Variants in PTPRQ observed in about 807,000 individuals in gnomAD.
PTPRQ encodes phosphatidylinositol phosphatase PTPRQ.
A neutral mutation model predicts 246.0 loss-of-function variants in PTPRQ; 199 were observed. The observed-to-expected ratio is 0.81, with a 90% CI of 0.72 to 0.91. The LOEUF (loss-of-function observed/expected upper bound fraction) is 0.91, where lower values mean the gene tolerates loss of function less well. Ranked by LOEUF, PTPRQ falls within the 40% of genes least tolerant of loss-of-function variation. The pLI, the probability that PTPRQ is intolerant of heterozygous loss-of-function variation, is 0.00. For synonymous variants in PTPRQ, 869 were observed against 853.2 expected (o/e 1.02, Z -0.32); for missense variants, 2,624 against 2,528.4 (o/e 1.04, Z -0.81).
intron 27 of PTPRQ, among the ~76,000 whole-genome samples, chr12:80,609,458 C>A (rs1016034574): frequency 2.0e-5 from 3 of 150,398 alleles, no homozygotes; most frequent in Admixed American, 6.7e-5. Context: ...ATTAAGATAC[C>A]TGAAAGTAGT....
chr12:80,530,600 T>G (rs567344813), intron 17 of PTPRQ, among the ~76,000 whole-genome samples: 1 of 152,300 alleles, frequency 6.6e-6, no homozygotes. Flanking sequence ...AGTTTATTTT[T>G]GTGATTATTT....
intron 39 of PTPRQ, among the ~76,000 whole-genome samples, chr12:80,662,152 C>T (rs1900653528): frequency 6.6e-6 from 1 of 151,884 alleles, no homozygotes; most frequent in African/African-American, 2.4e-5. Context: ...CACCATTCAA[C>T]ATTCACAATA....
chr12:80,595,618 G>T (rs887221051), intron 26 of PTPRQ, among the ~76,000 whole-genome samples: 2 of 151,706 alleles, frequency 1.3e-5, no homozygotes, highest in East Asian at 3.9e-4. Flanking sequence ...ACAATGTGCA[G>T]GTTAGTTACA....
At chr12:80,453,140 T>C (rs1892831928) in intron 3 of PTPRQ, among the ~76,000 whole-genome samples, 1 of 152,196 alleles carries the variant, frequency 6.6e-6, no homozygotes, top group Non-Finnish European at 1.5e-5. Context: ...TGATACCCTT[T>C]CTTCCAGTTG....
chr12:80,676,102 T>A (rs867119831), intron 43 of PTPRQ, among the ~76,000 whole-genome samples: 4 of 152,160 alleles, frequency 2.6e-5, no homozygotes, highest in Non-Finnish European at 5.9e-5. Flanking sequence ...TACTGTTTTT[T>A]CCCTGTGATG....
intron 27 of PTPRQ, 117 bp from the exon 28 acceptor site, chr12:80,610,322 A>G (rs1592714430): frequency 1.2e-6 from 1 of 801,364 alleles, no homozygotes; most frequent in Non-Finnish European, 1.7e-6. Flanking sequence ...TGATTGTAAA[A>G]TAAATAAATA....
chr12:80,551,719 C>A (rs985248704), intron 25 of PTPRQ, among the ~76,000 whole-genome samples: 2 of 152,074 alleles, frequency 1.3e-5, no homozygotes, highest in Admixed American at 1.3e-4. Context: ...AATTTGGCTT[C>A]TCTCTAGCTT....
chr12:80,541,776 A>C lies in PTPRQ; in HGVS notation c.3376A>C (p.Thr1126Pro). Residue 1126 changes from threonine (T) to proline (P), a missense_variant, in exon 21 of 45, where the codon ACT (threonine) becomes CCT (proline). By Grantham distance (38) the Thr-to-Pro change is conservative. Coordinates refer to ENST00000644991, the MANE Select transcript of PTPRQ (RefSeq NM_001145026.2). ...EKYTDYILKI[T>P]PSTEKGFSDT... ...ATACACTGATTATATATTAAAAATT[A>C]CTCCATCAACAGAAAAGGGATTCTC... 6.4e-7 allele frequency: 1 copy of C among 1,550,930 alleles called. No homozygotes were observed. The highest frequency in any genetic ancestry group is 8.7e-7 in the Non-Finnish European group (1 of 1,146,552).
intron 23 of PTPRQ, among the ~76,000 whole-genome samples, chr12:80,545,291 C>T (rs539203753): frequency 6.6e-6 from 1 of 152,128 alleles, no homozygotes; most frequent in African/African-American, 2.4e-5. Context: ...GAAAGAATGA[C>T]TGAAATAAAG....
chr12:80,445,578 G>T lies in PTPRQ; in HGVS notation c.251G>T (p.Gly84Val), dbSNP rs1172791376. ...TGGAATACACCACCTAATCCAAATG[G>T]AAGGATTATATCTTACATTGTCAAA... is the stretch of plus-strand genomic sequence containing the variant. ...LSWNTPPNPN[G>V]RIISYIVKYK... The change falls in exon 3 of 45, where the codon GGA becomes GTA. Residue 84 changes from glycine to valine, a missense_variant. Physicochemically the swap from Gly to Val is moderately radical, Grantham distance 109 (BLOSUM62 -3). Transcript: ENST00000644991. 1.3e-6 allele frequency: 2 copies of T among 1,548,086 alleles called. No homozygotes were observed. The highest frequency in any genetic ancestry group is 1.7e-6 in the Non-Finnish European group (2 of 1,144,266).
intron 25 of PTPRQ, among the ~76,000 whole-genome samples, chr12:80,560,722 G>A (rs1308951691): frequency 1.3e-5 from 2 of 152,200 alleles, no homozygotes; most frequent in African/African-American, 4.8e-5. Context: ...TTCATTTGTT[G>A]ACAGCCACAG....
chr12:80,558,129 T>TTTCTTTCTTTCTTTC (rs1310787725), intron 25 of PTPRQ, among the ~76,000 whole-genome samples: 15 of 116,160 alleles, frequency 1.3e-4, no homozygotes, highest in African/African-American at 5.8e-4. Context: ...CTTTCTTTTC[T>TTTCTTTCTTTCTTTC]TTTCTTTTCT....
In PTPRQ at chr12:80,472,100, T is replaced by C. The variant is rs1453634957; in HGVS notation, c.1040-5T>C. 26 of 1,550,882 alleles carry C rather than the reference T, an allele frequency of 1.7e-5. No individual in the cohort carries two copies. Among genetic ancestry groups the C allele is most frequent in the Non-Finnish European group, 2.2e-5 (25 of 1,146,784 alleles). The stretch of plus-strand genomic sequence containing the variant: ...TAATCCATAGCTATCTTCCACTTTT[T>C]GCAGGTCGCATTTTGGATAACAGCA... On this transcript the variant is annotated splice_polypyrimidine_tract_variant and splice_region_variant and intron_variant, in intron 7 of 44. Coordinates refer to ENST00000644991, the MANE Select transcript of PTPRQ (RefSeq NM_001145026.2).
In PTPRQ at chr12:80,496,246, C is replaced by T; in HGVS notation, c.1991-4C>T. The T allele has an allele frequency of 6.5e-7, 1 of 1,549,028 alleles. No individual in the cohort carries two copies. The highest frequency in any genetic ancestry group is 8.7e-7 in the Non-Finnish European group (1 of 1,145,858). On this transcript the variant is annotated splice_region_variant and splice_polypyrimidine_tract_variant and intron_variant, in intron 13 of 44. Coordinates refer to ENST00000644991, the MANE Select transcript of PTPRQ (RefSeq NM_001145026.2). ...GTACTACAAATGTTCTTTTCTTCCC[C>T]TAGAACCGGAATCATCACCTCAAGA...
In PTPRQ at chr12:80,611,386, T is replaced by G. The variant is rs1210663956; in HGVS notation, c.4918+761T>G. Among the ~76,000 whole-genome samples the G allele has an allele frequency of 1.6e-4, 24 of 150,362 alleles. No homozygotes were observed. In the Admixed American group the frequency reaches 1.6e-3, roughly 10 times the overall value. ...AGGTAAGTATAGGAAGTAAAATTTT[T>G]TTACAGCTAGTTTTTTTCGTTACAT... On this transcript the variant is annotated intron_variant, in intron 28 of 44. Transcript: ENST00000644991.
At chr12:80,477,592 G>C (rs187669785) in intron 8 of PTPRQ, among the ~76,000 whole-genome samples, 7 of 152,196 alleles carry the variant, frequency 4.6e-5, no homozygotes, top group Non-Finnish European at 8.8e-5. Context: ...CAGAAGACGG[G>C]TGATTTCTGC....
chr12:80,564,108 A>G (rs1234600141), intron 25 of PTPRQ, among the ~76,000 whole-genome samples: 1 of 151,924 alleles, frequency 6.6e-6, no homozygotes, highest in East Asian at 1.9e-4. Context: ...TTTTATTAAT[A>G]TACTTTAAGT....
At chr12:80,503,889 A>G (rs1894876121) in intron 14 of PTPRQ, among the ~76,000 whole-genome samples, 1 of 151,478 alleles carries the variant, frequency 6.6e-6, no homozygotes, top group African/African-American at 2.4e-5. Flanking sequence ...ATGGAATTCC[A>G]GTTGTTTTTC....
chr12:80,588,200 C>A lies in PTPRQ; in HGVS notation c.4357C>A (p.Pro1453Thr). ...TAGTGCAACATTGACATGGATAAGA[C>A]CTGACACTATCCTTGGCTACTTTCA... is the stretch of plus-strand genomic sequence containing the variant. ...STSATLTWIR[P>T]DTILGYFQNY... The change falls in exon 26 of 45, where the codon CCT becomes ACT. Residue 1453 changes from proline (P) to threonine (T), a missense_variant. By Grantham distance (38) the Pro-to-Thr change is conservative (BLOSUM62 -1). Transcript: ENST00000644991. 1 of 1,551,454 alleles carries A rather than the reference C, an allele frequency of 6.4e-7. No individual in the cohort carries two copies. Among genetic ancestry groups the A allele is most frequent in the Non-Finnish European group, 8.7e-7 (1 of 1,146,874 alleles).
Sources: allele counts gnomAD v4.1 joint callset (sites outside exome capture counted in the v4.1 genomes callset), GRCh38; gene constraint gnomAD v4.1.1; transcripts MANE v1.5; gene names NCBI Gene and HGNC (gene_info 2026-07-23, HGNC 2026-07-21).